The following FOXJ3 variants were observed in gnomAD, a reference collection of about 807,000 sequenced individuals.
FOXJ3 encodes the protein forkhead box J3.
FOXJ3 carries 22 observed loss-of-function variants against 76.1 expected under a neutral mutation model. That is an observed-to-expected ratio of 0.29 (90% CI 0.21 to 0.41). The LOEUF (loss-of-function observed/expected upper bound fraction) is 0.41, where lower values mean the gene tolerates loss of function less well. Ranked by LOEUF, FOXJ3 falls within the 10% of genes least tolerant of loss-of-function variation. The pLI, the probability that FOXJ3 is intolerant of heterozygous loss-of-function variation, is 1.00. For missense variants in FOXJ3, 613 were observed against 762.1 expected (o/e 0.80, Z 2.30); for synonymous variants, 269 against 261.2 (o/e 1.03, Z -0.29).
chr1:42,328,879 C>G (rs1655996659), intron 1 of FOXJ3, among the ~76,000 whole-genome samples: 1 of 152,046 alleles, frequency 6.6e-6, no homozygotes, highest in Non-Finnish European at 1.5e-5. Context: ...GTGGACCAGG[C>G]TGGTCTCAAA....
In FOXJ3 at chr1:42,191,492, G is replaced by A; in HGVS notation, c.1162C>T (p.His388Tyr). 6.2e-7 allele frequency: 1 copy of A among 1,613,984 alleles called. No homozygotes were observed. Among genetic ancestry groups the A allele is most frequent in the South Asian group, 1.1e-5 (1 of 91,076 alleles). The change falls in exon 9 of 13, where the codon CAT becomes TAT. Residue 388 changes from histidine to tyrosine, a missense_variant. Around this residue, in one of 3 missense-constraint regions of FOXJ3, gnomAD observed 526 missense variants for 601.4 expected, o/e 0.87. Coordinates refer to ENST00000361346, the MANE Select transcript of FOXJ3 (RefSeq NM_014947.5). Reference protein sequence around the residue: ...QPSPHPPHRPHGLPQHPQRSP... With the variant: ...QPSPHPPHRPYGLPQHPQRSP... ...CGCTGCGGATGCTGCGGTAAACCAT[G>A]CGGTCGATGGGGAGGATGTGGAGAT... is the stretch of plus-strand genomic sequence containing the variant.
In FOXJ3 at chr1:42,194,960, A is replaced by G. The variant is rs1457684882; in HGVS notation, c.864T>C (p.Asn288=). 6.2e-7 allele frequency: 1 copy of G among 1,613,424 alleles called. No individual in the cohort carries two copies. Among genetic ancestry groups the G allele is most frequent in the South Asian group, 1.1e-5 (1 of 90,998 alleles). Residue 288 remains asparagine, a synonymous_variant, in exon 8 of 13, where the codon AAT becomes AAC. Coordinates refer to ENST00000361346, the MANE Select transcript of FOXJ3 (RefSeq NM_014947.5). Reference sequence around the variant, plus strand: ...GAAATGAGGCACTAAGATCTTCAAAATTATATTCTGAGAAAAGTAGTTGCT... The same window carrying G: ...GAAATGAGGCACTAAGATCTTCAAAGTTATATTCTGAGAAAAGTAGTTGCT... ...RDKQLLFSEY[N]FEDLSASFRS...
chr1:42,281,081 C>T (rs1652674568), intron 2 of FOXJ3, among the ~76,000 whole-genome samples: 1 of 152,054 alleles, frequency 6.6e-6, no homozygotes, highest in South Asian at 2.1e-4. Context: ...CCTTCTGCTC[C>T]CTTCCACCAG....
chr1:42,214,871 C>A (rs1319635890), intron 5 of FOXJ3, among the ~76,000 whole-genome samples: 1 of 152,178 alleles, frequency 6.6e-6, no homozygotes, highest in East Asian at 1.9e-4. Flanking sequence ...CACAAATGTG[C>A]CAGGCTGAGG....
chr1:42,310,150 T>A (rs565481490), intron 2 of FOXJ3, among the ~76,000 whole-genome samples: 119 of 139,262 alleles, frequency 8.5e-4, no homozygotes, highest in African/African-American at 3.1e-3. Context: ...CAGGTTTAGG[T>A]TTTTTTTTTT....
intron 1 of FOXJ3, among the ~76,000 whole-genome samples, chr1:42,324,128 G>GTATATATAGTATATACACAGTGTA (rs201669955): frequency 3.5e-4 from 2 of 5,788 alleles, no homozygotes; most frequent in African/African-American, 7.5e-4. Context: ...TATACACAGT[G>GTATATATAGTATATACACAGTGTA]TATATACAGT....
chr1:42,211,408 G>C (rs952958616), intron 5 of FOXJ3, among the ~76,000 whole-genome samples: 12 of 152,000 alleles, frequency 7.9e-5, no homozygotes, highest in Non-Finnish European at 1.6e-4. Flanking sequence ...GTGACTGGGA[G>C]GTGACTGTTT....
intron 2 of FOXJ3, among the ~76,000 whole-genome samples, chr1:42,308,089 C>T (rs1654576177): frequency 6.6e-6 from 1 of 152,102 alleles, no homozygotes; most frequent in Non-Finnish European, 1.5e-5. Flanking sequence ...TTGTCCACTC[C>T]CACTCATACC....
intron 2 of FOXJ3, among the ~76,000 whole-genome samples, chr1:42,304,103 T>C (rs1654319754): frequency 6.6e-6 from 1 of 152,100 alleles, no homozygotes; most frequent in African/African-American, 2.4e-5. Context: ...AGAGTTTCTA[T>C]ATGCCAAGAG....
intron 2 of FOXJ3, among the ~76,000 whole-genome samples, chr1:42,301,362 A>G (rs993767628): frequency 4.0e-5 from 6 of 149,308 alleles, no homozygotes; most frequent in Non-Finnish European, 6.0e-5. Context: ...TGCCCTGCTA[A>G]TTTTTTTTTT....
At chr1:42,263,117 A>C (rs1175270857) in intron 4 of FOXJ3, among the ~76,000 whole-genome samples, 1 of 152,220 alleles carries the variant, frequency 6.6e-6, no homozygotes, top group Non-Finnish European at 1.5e-5. Flanking sequence ...TGATTCAAAA[A>C]GAAGAGTTGC....
chr1:42,291,678 A>G (rs1384759176), intron 2 of FOXJ3, among the ~76,000 whole-genome samples: 1 of 151,976 alleles, frequency 6.6e-6, no homozygotes, highest in Non-Finnish European at 1.5e-5. Context: ...TTTTTGTTTC[A>G]TCAAGGCAGG....
chr1:42,277,186 G>T (rs552312944), intron 3 of FOXJ3, among the ~76,000 whole-genome samples: 9 of 152,178 alleles, frequency 5.9e-5, no homozygotes, highest in Admixed American at 5.9e-4. Context: ...TCTCACACCT[G>T]TAACCCCAAA....
chr1:42,177,839 G>C lies in FOXJ3; in HGVS notation c.*1871C>G, dbSNP rs573164137. 1 of 152,524 alleles carries C rather than the reference G, an allele frequency of 6.6e-6. No homozygotes were observed. Among genetic ancestry groups the C allele is most frequent in the African/African-American group, 2.4e-5 (1 of 41,482 alleles). The allele number at this position is 152,524 out of a possible 1,614,324, so 9.4% of individuals were successfully genotyped here. A position where few individuals can be genotyped will look rare whatever the true frequency, so the allele number is the denominator to read the frequency against. On this transcript the variant is annotated 3_prime_UTR_variant, in exon 13 of 13. Coordinates refer to ENST00000361346, the MANE Select transcript of FOXJ3 (RefSeq NM_014947.5). ...AAAAGATGTTTGTTTAGTTCAAGTA[G>C]AGATTACTCAACCATAGAATCACTA...
At chr1:42,229,800 T>G (rs1557656376) in intron 4 of FOXJ3, among the ~76,000 whole-genome samples, 2 of 152,224 alleles carry the variant, frequency 1.3e-5, no homozygotes, top group African/African-American at 4.8e-5. Flanking sequence ...AATTTTATAC[T>G]GAGTTCTTAT....
chr1:42,324,278 T>C (rs1440844804), intron 1 of FOXJ3, among the ~76,000 whole-genome samples: 1 of 143,236 alleles, frequency 7.0e-6, no homozygotes, highest in Non-Finnish European at 1.5e-5. Context: ...ATACACTATA[T>C]ATATTATACA....
At chr1:42,332,172 G>A (rs1392478275) in intron 1 of FOXJ3, among the ~76,000 whole-genome samples, 1 of 152,114 alleles carries the variant, frequency 6.6e-6, no homozygotes, top group African/African-American at 2.4e-5. Flanking sequence ...GTTCTTCTCA[G>A]AATGCTATTA....
intron 6 of FOXJ3, among the ~76,000 whole-genome samples, chr1:42,200,002 T>C (rs573647502): frequency 6.4e-4 from 36 of 56,684 alleles, no homozygotes; most frequent in African/African-American, 1.9e-3. Context: ...CGAGACTCTG[T>C]CTCAAAAAAA....
chr1:42,193,155 T>C (rs1646583373), intron 8 of FOXJ3, among the ~76,000 whole-genome samples: 1 of 152,152 alleles, frequency 6.6e-6, no homozygotes, highest in Non-Finnish European at 1.5e-5. Flanking sequence ...AATATAGTTT[T>C]TTTTTTTGAA....
Sources: gnomAD v4.1 joint callset for allele counts (sites outside exome capture counted in the v4.1 genomes callset) on GRCh38, gnomAD v4.1.1 for gene constraint, gnomAD v4.1.1 regional missense constraint, MANE v1.5 for transcripts, NCBI Gene and HGNC (gene_info 2026-07-23, HGNC 2026-07-21) for gene names.